Variants in CROCC observed in about 807,000 individuals in gnomAD.
CROCC encodes the protein rootletin.
A neutral mutation model predicts 245.2 loss-of-function variants in CROCC; 180 were observed. That is an observed-to-expected ratio of 0.73 (90% CI 0.65 to 0.83). The LOEUF is 0.83. Among genes scored for constraint, CROCC ranks in the 40% least tolerant of loss-of-function variants. CROCC has a pLI of 0.00. For synonymous variants in CROCC, 1,205 were observed against 1,241.6 expected (o/e 0.97, Z 0.62); for missense variants, 2,688 against 2,779.4 (o/e 0.97, Z 0.74).
rs779626863 is a variant in CROCC at position 16,965,910 on chromosome 1, T to G, written c.4575+18T>G. ...GAGAACGGGTAAGCCTGGGTGTGCA[T>G]GGCTGGATGGGGAACCTGGAGGGCC... On this transcript the variant is annotated intron_variant, in intron 28 of 36. Coordinates refer to ENST00000375541, the MANE Select transcript of CROCC (RefSeq NM_014675.5). 2.2e-5 allele frequency: 35 copies of G among 1,607,492 alleles called. No homozygotes were observed. The highest frequency in any genetic ancestry group is 1.3e-4 in the Admixed American group (8 of 59,862).
chr1:16,946,430 C>T (rs2076048338), intron 16 of CROCC, 25 bp downstream of exon 16: 51 of 1,602,032 alleles, frequency 3.2e-5, no homozygotes, highest in Non-Finnish European at 4.2e-5. Context: ...TGCGGGCCCA[C>T]CTGCCTTGCC....
rs1469184903 is a variant in CROCC, at chr1:16,951,012, A to G, written c.2896A>G (p.Lys966Glu). The G allele has an allele frequency of 6.2e-7, 1 of 1,606,984 alleles. No homozygotes were observed. Residue 966 changes from lysine (K) to glutamate (E), a missense_variant, in exon 20 of 37, where the codon AAG (lysine) becomes GAG (glutamate). Lys to Glu is a moderately conservative substitution (Grantham distance 56). Around this residue, in one of 9 missense-constraint regions of CROCC, gnomAD observed 106 missense variants for 126.1 expected, o/e 0.84. Coordinates refer to ENST00000375541, the MANE Select transcript of CROCC (RefSeq NM_014675.5). ...TACACAGGAGAAAGCCAGTCTAGACAAGGAGCTGATGGCCCAGAAGCTGGT... is the reference window on the plus strand; with the variant it reads ...TACACAGGAGAAAGCCAGTCTAGACGAGGAGCTGATGGCCCAGAAGCTGGT... ...IATQEKASLD[K>E]ELMAQKLVQA... is the part of the protein sequence containing the mutation.
At chr1:16,933,448 C>G (rs144591742) in intron 8 of CROCC, among the ~76,000 whole-genome samples, 8,266 of 151,008 alleles carry the variant, frequency 0.055, 47 homozygotes, top group African/African-American at 0.092. Flanking sequence ...GCCTGGGTGA[C>G]AGAGTGAAAC....
Position 16,938,939 on chromosome 1 carries a change from C to T in CROCC, c.1405C>T (p.Gln469Ter), listed in dbSNP as rs2075853450. ...AVLSDSESGVQLSGSERTADA... is the reference protein window; with the variant it reads ...AVLSDSESGV ...CTTGTCAGACTCTGAGAGCGGCGTC[C>T]AGCTGAGCGGCTCTGAGCGCACCGC... Residue 469 changes from glutamine to a stop codon, truncating the protein, a stop_gained, in exon 12 of 37, where the codon CAG becomes TAG. Transcript: ENST00000375541. LOFTEE classifies it high-confidence loss of function. 1.9e-6 allele frequency: 3 copies of T among 1,602,516 alleles called. No homozygotes were observed. Among genetic ancestry groups the T allele is most frequent in the African/African-American group, 2.7e-5 (2 of 74,244 alleles).
chr1:16,958,603 G>A lies in CROCC; in HGVS notation c.3885G>A (p.Glu1295=). 6.4e-7 allele frequency: 1 copy of A among 1,553,766 alleles called. No individual in the cohort carries two copies. The highest frequency in any genetic ancestry group is 8.7e-7 in the Non-Finnish European group (1 of 1,148,910). ...CACAGATGAAGATGCTGGACAGTGAGAACACCAGACTGGGCCGGGAGCTGG... is the reference window on the plus strand; with the variant it reads ...CACAGATGAAGATGCTGGACAGTGAAAACACCAGACTGGGCCGGGAGCTGG... ...LRRQMKMLDS[E]NTRLGRELAE... is the part of the protein sequence containing the mutation. The change falls in exon 26 of 37, where the codon GAG becomes GAA. Residue 1295 remains glutamate, a synonymous_variant. Coordinates refer to ENST00000375541, the MANE Select transcript of CROCC (RefSeq NM_014675.5).
upstream of CROCC, chr1:16,921,910 T>A: frequency 3.3e-6 from 4 of 1,212,364 alleles, no homozygotes; most frequent in Non-Finnish European, 4.7e-6. Context: ...GGATTTAAGC[T>A]TAATCTGCCT....
intron 1 of CROCC, among the ~76,000 whole-genome samples, chr1:16,914,244 G>T (rs1255854756): frequency 3.9e-5 from 6 of 152,116 alleles, no homozygotes; most frequent in African/African-American, 9.6e-5. Context: ...GGGGCTGGGG[G>T]CGCTGTGTGT....
At position 16,954,889 on chromosome 1, in the gene CROCC, C is replaced by T. The variant is rs761677064; in HGVS notation, c.3465+12C>T. ...CCTGTCTTCGCGAGGTGAGCAGCCGCCCCCCTCTTCCAAGCAGCATACCCT... is the reference window on the plus strand; with the variant it reads ...CCTGTCTTCGCGAGGTGAGCAGCCGTCCCCCTCTTCCAAGCAGCATACCCT... On this transcript the variant is annotated intron_variant, in intron 23 of 36. Transcript: ENST00000375541. This position sits in a 1 kb window ranked among gnomAD's most constrained non-coding sequence, Gnocchi z 4.4. The T allele has an allele frequency of 3.3e-6, 5 of 1,515,046 alleles. No homozygotes were observed. Among genetic ancestry groups the T allele is most frequent in the East Asian group, 2.5e-5 (1 of 40,370 alleles). The allele number at this position is 1,515,046 out of a possible 1,614,324, so 93.9% of individuals were successfully genotyped here.
Position 16,946,863 on chromosome 1 carries a change from G to C in CROCC, c.2386G>C (p.Glu796Gln), listed in dbSNP as rs1235070682. The C allele has an allele frequency of 6.4e-7, 1 of 1,557,518 alleles. No homozygotes were observed. Among genetic ancestry groups the C allele is most frequent in the African/African-American group, 1.4e-5 (1 of 73,674 alleles). ...GGAACGGCTAGAGGAGCTGCGGTTGGAGCAGGAGGTGGCGCGGCAGGGCCT... is the reference window on the plus strand; with the variant it reads ...GGAACGGCTAGAGGAGCTGCGGTTGCAGCAGGAGGTGGCGCGGCAGGGCCT... ...EQERLEELRL[E>Q]QEVARQGLEG... Residue 796 changes from glutamate (E) to glutamine (Q), a missense_variant, in exon 17 of 37, where the codon GAG (glutamate) becomes CAG (glutamine). Glu to Gln is a conservative substitution (Grantham distance 29). Coordinates refer to ENST00000375541, the MANE Select transcript of CROCC (RefSeq NM_014675.5).
rs2075631147 is a variant in CROCC, at chr1:16,930,040, C to T, written c.537+9C>T. The T allele has an allele frequency of 1.3e-6, 2 of 1,569,610 alleles. No individual in the cohort carries two copies. Among genetic ancestry groups the T allele is most frequent in the East Asian group, 2.3e-5 (1 of 43,766 alleles). ...AGCGGCTGCAGGGCAAGGTCAGGACCACCCACTCCTGCTCCTGTCCTCCCA... is the reference window on the plus strand; with the variant it reads ...AGCGGCTGCAGGGCAAGGTCAGGACTACCCACTCCTGCTCCTGTCCTCCCA... On this transcript the variant is annotated intron_variant, in intron 4 of 36. Transcript: ENST00000375541.
intron 3 of CROCC, among the ~76,000 whole-genome samples, chr1:16,928,506 T>TCCCC (rs1557581293): frequency 2.0e-5 from 3 of 152,072 alleles, no homozygotes; most frequent in African/African-American, 7.2e-5. Flanking sequence ...CTTTTTTTTT[T>TCCCC]TAAGATGGAG....
chr1:16,922,709 G>T lies in CROCC; in HGVS notation c.107G>T (p.Arg36Leu), dbSNP rs138216886. The T allele has an allele frequency of 6.2e-7, 1 of 1,613,716 alleles. No homozygotes were observed. The highest frequency in any genetic ancestry group is 8.5e-7 in the Non-Finnish European group (1 of 1,179,938). The change falls in exon 2 of 37, where the codon CGG (arginine) becomes CTG (leucine). Residue 36 changes from arginine to leucine, a missense_variant. Transcript: ENST00000375541. Reference protein sequence around the residue: ...VLCQEKGLGARDLAQDAQITS... With the variant: ...VLCQEKGLGALDLAQDAQITS... ...TGCCAGGAGAAAGGCTTGGGCGCGC[G>T]GGACCTGGCCCAGGACGCTCAGATC... is the stretch of plus-strand genomic sequence containing the variant.
chr1:16,965,743 A>G lies in CROCC; in HGVS notation c.4426A>G (p.Ser1476Gly), dbSNP rs1342274830. The change falls in exon 28 of 37, where the codon AGC becomes GGC. Residue 1476 changes from serine (S) to glycine (G), a missense_variant. Transcript: ENST00000375541. ...PAEGSGEGLN[S>G]PSTLECSPGS... ...TCTAGGAAGCGGGGAAGGGCTCAAC[A>G]GCCCCAGCACCTTAGAATGCAGCCC... 1 of 1,612,902 alleles carries G rather than the reference A, an allele frequency of 6.2e-7. No individual in the cohort carries two copies. The highest frequency in any genetic ancestry group is 1.1e-5 in the South Asian group (1 of 91,016).
chr1:16,923,874 CT>C (rs2075467806), intron 2 of CROCC, among the ~76,000 whole-genome samples: 1 of 152,232 alleles, frequency 6.6e-6, no homozygotes, highest in African/African-American at 2.4e-5. Context: ...AGAGACAGGG[CT>C]TCGCCGTGTT....
At chr1:16,924,596 G>A (rs2075489535) in intron 3 of CROCC, 117 bp downstream of exon 3, 1 of 1,386,928 alleles carries the variant, frequency 7.2e-7, no homozygotes, top group Non-Finnish European at 9.8e-7. Context: ...AGGTTGGCCT[G>A]GGCTTGGATT....
Position 16,966,145 on chromosome 1 carries a change from TTC to T in CROCC, c.4696+33_4696+34del. 1 of 1,597,402 alleles carries T rather than the reference TTC, an allele frequency of 6.3e-7. No individual in the cohort carries two copies. On this transcript the variant is annotated intron_variant, in intron 29 of 36. Transcript: ENST00000375541. The surrounding 1 kb of genome is among the most constrained non-coding windows in gnomAD (Gnocchi z 4.8). ...GTGAGTCTGATCCTCGGGGTCCCTG[TTC>T]TCTCTCCTGTGTTTTGGGCAGTTGA...
chr1:16,971,306 GCTCA>G (rs2076514808), intron 35 of CROCC, among the ~76,000 whole-genome samples, 155 bp from the exon 36 acceptor site: 1 of 151,448 alleles, frequency 6.6e-6, no homozygotes, highest in Non-Finnish European at 1.5e-5. Context: ...GGGCTCGCAG[GCTCA>G]CTGTCAGGGC....
chr1:16,946,984 T>C lies in CROCC; in HGVS notation c.2507T>C (p.Leu836Pro). 1 of 1,551,706 alleles carries C rather than the reference T, an allele frequency of 6.4e-7. No individual in the cohort carries two copies. The highest frequency in any genetic ancestry group is 8.7e-7 in the Non-Finnish European group (1 of 1,148,406). Residue 836 changes from leucine to proline, a missense_variant, in exon 17 of 37, where the codon CTA becomes CCA. Physicochemically the swap from Leu to Pro is moderately conservative, Grantham distance 98. Transcript: ENST00000375541. ...GAGCGCAGCCAGCTGCAGGAGCAGC[T>C]AGCGCAGGTGGGCAAAGCTGTGTGT... ...RHERSQLQEQ[L>P]AQLSRQLSGR...
intron 8 of CROCC, among the ~76,000 whole-genome samples, chr1:16,934,150 C>T (rs1349147950): frequency 6.6e-6 from 1 of 152,368 alleles, no homozygotes; most frequent in East Asian, 1.9e-4. Context: ...ACCCACTCAT[C>T]AAAGGCTGCA....
Sources: gnomAD v4.1 joint callset for allele counts (sites outside exome capture counted in the v4.1 genomes callset) on GRCh38, gnomAD v4.1.1 for gene constraint, gnomAD v4.1.1 regional missense constraint, Gnocchi (gnomAD v3.1) non-coding constraint, MANE v1.5 for transcripts, NCBI Gene and HGNC (gene_info 2026-07-23, HGNC 2026-07-21) for gene names.